ZFAND4: variants seen among roughly 807,000 people sequenced by gnomAD.
ZFAND4 encodes the protein zinc finger AN1-type containing 4.
In ZFAND4, 43 loss-of-function variants were observed where a neutral mutation model predicts 64.4. The ratio of observed to expected loss-of-function variants is 0.67; its 90% CI spans 0.52 to 0.86. The LOEUF is 0.86. Among genes scored for constraint, ZFAND4 ranks in the 40% least tolerant of loss-of-function variants. ZFAND4 has a pLI of 0.00. For missense variants in ZFAND4, 929 were observed against 859.8 expected (o/e 1.08, Z -1.01); for synonymous variants, 296 against 305.7 (o/e 0.97, Z 0.33).
intron 6 of ZFAND4, 64 bp downstream of exon 6, chr10:45,639,752 T>A: frequency 6.6e-7 from 1 of 1,514,600 alleles, no homozygotes; most frequent in Non-Finnish European, 8.8e-7. Context: ...CCAACAGACC[T>A]CATTGCTGAG....
intron 2 of ZFAND4, 34 bp from the exon 3 acceptor site, chr10:45,653,093 G>A: frequency 2.8e-6 from 4 of 1,451,518 alleles, no homozygotes; most frequent in Non-Finnish European, 3.8e-6. Flanking sequence ...AAGTGTTAAA[G>A]AATTCAATAG....
chr10:45,661,914 G>A lies in ZFAND4; in HGVS notation c.184+1628C>T, dbSNP rs1047932175. Among the ~76,000 whole-genome samples, 5 of 148,990 alleles carry A rather than the reference G, an allele frequency of 3.4e-5. No homozygotes were observed. In the East Asian group the frequency reaches 5.9e-4, roughly 18 times the overall value. ...GAGATTGCGCCATTCTCCAGCCTGC[G>A]CAACAGGTGCAAAACTCCGTCTCGA... On this transcript the variant is annotated intron_variant, in intron 2 of 9. Transcript: ENST00000344646.
intron 5 of ZFAND4, among the ~76,000 whole-genome samples, chr10:45,642,405 A>G (rs1214402213): frequency 6.6e-6 from 1 of 152,054 alleles, no homozygotes; most frequent in Non-Finnish European, 1.5e-5. Context: ...CAGGAGATCG[A>G]GACCATCCTG....
chr10:45,639,666 T>C (rs2046854837), intron 6 of ZFAND4, 150 bp downstream of exon 6: 1 of 905,302 alleles, frequency 1.1e-6, no homozygotes, highest in Admixed American at 3.4e-5. Context: ...ATCCAATTTA[T>C]CCCTTTTAGA....
intron 1 of ZFAND4, among the ~76,000 whole-genome samples, chr10:45,667,458 CTTTTTTTTTTT>C (rs60572011): frequency 1.4e-3 from 123 of 90,644 alleles, no homozygotes; most frequent in Admixed American, 3.0e-3. Context: ...TCTTTTCTTT[CTTTTTTTTTTT>C]TTTTTTTTTT....
rs199943085 is a variant in ZFAND4 at position 45,657,014 on chromosome 10, C to CT, written c.185-3956dup. 6.3e-3 allele frequency among the ~76,000 whole-genome samples: 866 copies of CT among 137,236 alleles called. 2 individuals are homozygous for CT. Among genetic ancestry groups the CT allele is most frequent in the East Asian group, 7.4e-3 (35 of 4,720 alleles). 90.0% of individuals were successfully genotyped at this position (137,236 alleles called of 152,430 possible). On this transcript the variant is annotated intron_variant, in intron 2 of 9. Transcript: ENST00000344646. Reference sequence around the variant, plus strand: ...TGGTATTCTGTGACAGCAACCTGAACTTTTTTTTTTTTTTTTTTGAGACAG... The same window carrying CT: ...TGGTATTCTGTGACAGCAACCTGAACTTTTTTTTTTTTTTTTTTTGAGACAG...
At chr10:45,630,956 G>A (rs1317233146) in intron 6 of ZFAND4, among the ~76,000 whole-genome samples, 3 of 145,184 alleles carry the variant, frequency 2.1e-5, no homozygotes, top group African/African-American at 7.6e-5. Context: ...GCAAGACCCT[G>A]TCTTTAAAAA....
intron 1 of ZFAND4, among the ~76,000 whole-genome samples, chr10:45,665,617 C>T (rs2048774528): frequency 1.3e-5 from 2 of 152,104 alleles, no homozygotes; most frequent in Admixed American, 1.3e-4. Context: ...CTAAAATTCA[C>T]TGGTTTTTAT....
At position 45,652,969 on chromosome 10, in the gene ZFAND4, T is replaced by C. The variant is rs763798406; in HGVS notation, c.260+15A>G. ...CTAAGTGCCTACAAAACAGCCAATA[T>C]GCAATTACACTCACTTGTAATCATT... On this transcript the variant is annotated intron_variant, in intron 3 of 9. Coordinates refer to ENST00000344646, the MANE Select transcript of ZFAND4 (RefSeq NM_174890.4). 5.0e-6 allele frequency: 8 copies of C among 1,594,736 alleles called. No individual in the cohort carries two copies. The highest frequency in any genetic ancestry group is 1.7e-5 in the Admixed American group (1 of 58,122).
At chr10:45,636,295 A>T (rs2046588471) in intron 6 of ZFAND4, among the ~76,000 whole-genome samples, 2 of 152,158 alleles carry the variant, frequency 1.3e-5, no homozygotes, top group Non-Finnish European at 2.9e-5. Flanking sequence ...ATTTTATTCC[A>T]TTGTAATCAG....
At chr10:45,622,813 T>C (rs558847415) in intron 8 of ZFAND4, among the ~76,000 whole-genome samples, 1 of 152,342 alleles carries the variant, frequency 6.6e-6, no homozygotes, top group East Asian at 1.9e-4. Context: ...TTGAAAGTTG[T>C]TGTATACTGT....
At chr10:45,653,570 G>C (rs761522198) in intron 2 of ZFAND4, among the ~76,000 whole-genome samples, 1 of 152,122 alleles carries the variant, frequency 6.6e-6, no homozygotes, top group Admixed American at 6.6e-5. Flanking sequence ...TATTTAAAAA[G>C]CTCAACATTA....
In ZFAND4 at chr10:45,667,464, T is replaced by C. The variant is rs1008858530; in HGVS notation, c.-117-3622A>G. Among the ~76,000 whole-genome samples the C allele has an allele frequency of 1.2e-3, 158 of 137,062 alleles. 1 individual carries two copies. Among genetic ancestry groups the C allele is most frequent in the African/African-American group, 3.8e-3 (147 of 38,712 alleles). The allele number at this position is 137,062 out of a possible 152,430, so 89.9% of individuals were successfully genotyped here. A position where few individuals can be genotyped will look rare whatever the true frequency, so the allele number is the denominator to read the frequency against. On this transcript the variant is annotated intron_variant, in intron 1 of 9. Transcript: ENST00000344646. ...TCTATATGCTCTTTTCTTTCTTTTTTTTTTTTTTTTTTTTTTTGGAGGGGG... is the reference window on the plus strand; with the variant it reads ...TCTATATGCTCTTTTCTTTCTTTTTCTTTTTTTTTTTTTTTTTGGAGGGGG...
intron 2 of ZFAND4, among the ~76,000 whole-genome samples, chr10:45,658,835 C>G (rs1034196799): frequency 6.6e-6 from 1 of 152,286 alleles, no homozygotes; most frequent in East Asian, 1.9e-4. Flanking sequence ...GTTGAGACTC[C>G]TAGTTTCAGC....
intron 8 of ZFAND4, among the ~76,000 whole-genome samples, chr10:45,624,082 T>C (rs7096342): frequency 6.6e-6 from 1 of 152,186 alleles, no homozygotes; most frequent in Non-Finnish European, 1.5e-5. Context: ...ACCATACTGG[T>C]AGAAAGAAGT....
In ZFAND4 at chr10:45,616,432, A is replaced by C; in HGVS notation, c.*4T>G. 6.2e-7 allele frequency: 1 copy of C among 1,614,050 alleles called. No individual in the cohort carries two copies. Among genetic ancestry groups the C allele is most frequent in the Non-Finnish European group, 8.5e-7 (1 of 1,179,968 alleles). ...GGGCAGAACAGTAAGATGTAGAGGA[A>C]GAGTTAGATTTTTGGAAGCTTTGGT... On this transcript the variant is annotated 3_prime_UTR_variant, in exon 10 of 10. Transcript: ENST00000344646.
At chr10:45,633,168 T>C (rs1222080909) in intron 6 of ZFAND4, among the ~76,000 whole-genome samples, 2 of 149,616 alleles carry the variant, frequency 1.3e-5, no homozygotes, top group Admixed American at 6.7e-5. Context: ...CTATGAATAA[T>C]AGACCTTCAT....
chr10:45,641,674 G>A (rs1325944332), intron 5 of ZFAND4, among the ~76,000 whole-genome samples: 3 of 152,206 alleles, frequency 2.0e-5, no homozygotes, highest in Non-Finnish European at 4.4e-5. Context: ...GGCTACCACA[G>A]TATGATAACT....
At chr10:45,655,049 A>G (rs1160338936) in intron 2 of ZFAND4, among the ~76,000 whole-genome samples, 2 of 152,246 alleles carry the variant, frequency 1.3e-5, no homozygotes, top group Non-Finnish European at 2.9e-5. Context: ...TGAAAAATAT[A>G]CATTCGTCTC....
Sources: gnomAD v4.1 joint callset for allele counts (sites outside exome capture counted in the v4.1 genomes callset) on GRCh38, gnomAD v4.1.1 for gene constraint, MANE v1.5 for transcripts, NCBI Gene and HGNC (gene_info 2026-07-23, HGNC 2026-07-21) for gene names.